GRID2: variants seen among roughly 807,000 people sequenced by gnomAD.
GRID2 encodes glutamate ionotropic receptor delta type subunit 2, also known as glutamate receptor ionotropic, delta-2.
Under a neutral mutation model 114.8 loss-of-function variants are expected in GRID2, and 33 were observed. The ratio of observed to expected loss-of-function variants is 0.29; its 90% CI spans 0.22 to 0.38. The LOEUF (loss-of-function observed/expected upper bound fraction) is 0.38, where lower values mean the gene tolerates loss of function less well. Ranked by LOEUF, GRID2 falls within the 10% of genes least tolerant of loss-of-function variation. The probability of loss-of-function intolerance (pLI) is 1.00; values close to 1 mark genes in which losing one functional copy is unlikely to be tolerated. For missense variants in GRID2, 1,184 were observed against 1,257.7 expected, an observed-to-expected ratio of 0.94 and a Z score of 0.89; for synonymous variants, 505 against 449.9, an observed-to-expected ratio of 1.12 and a Z score of -1.55.
chr4:93,467,536 A>G (rs1360260510), intron 11 of GRID2, among the ~76,000 whole-genome samples: 2 of 152,218 alleles, frequency 1.3e-5, no homozygotes, highest in African/African-American at 4.8e-5. Context: ...CCTCTTTGAT[A>G]TCATTATAGT....
chr4:92,888,775 T>C (rs79034693), intron 2 of GRID2, among the ~76,000 whole-genome samples: 2,771 of 151,644 alleles, frequency 0.018, 41 homozygotes, highest in East Asian at 0.053. Flanking sequence ...TCTTGCACCC[T>C]TTATCTAGTA....
chr4:92,617,611 G>C (rs138295049), intron 2 of GRID2, among the ~76,000 whole-genome samples: 1 of 151,538 alleles, frequency 6.6e-6, no homozygotes, highest in Non-Finnish European at 1.5e-5. Context: ...GTAATCTGTT[G>C]CTAGATTCCT....
intron 14 of GRID2, among the ~76,000 whole-genome samples, chr4:93,645,736 C>T (rs538781466): frequency 1.6e-4 from 24 of 152,182 alleles, no homozygotes; most frequent in Non-Finnish European, 3.1e-4. Context: ...AAATTCAGCT[C>T]TTTATTAAAT....
intron 8 of GRID2, among the ~76,000 whole-genome samples, chr4:93,315,197 G>A (rs1756456796): frequency 6.6e-6 from 1 of 152,016 alleles, no homozygotes; most frequent in African/African-American, 2.4e-5. Flanking sequence ...AGCATGAGGG[G>A]AAACTGCCCC....
chr4:93,235,340 A>G (rs1358774994), intron 7 of GRID2, among the ~76,000 whole-genome samples: 3 of 152,108 alleles, frequency 2.0e-5, no homozygotes, highest in Non-Finnish European at 2.9e-5. Context: ...CATACTACCA[A>G]TGTCCCATTA....
At chr4:93,419,759 T>A (rs191744291) in intron 9 of GRID2, among the ~76,000 whole-genome samples, 37 of 152,104 alleles carry the variant, frequency 2.4e-4, no homozygotes, top group Middle Eastern at 3.4e-3. Context: ...AAGGGATCTG[T>A]TTGCCTAGAG....
At chr4:93,139,966 A>T (rs1189814360) in intron 4 of GRID2, among the ~76,000 whole-genome samples, 1 of 152,144 alleles carries the variant, frequency 6.6e-6, no homozygotes, top group Non-Finnish European at 1.5e-5. Context: ...TGCACATAGC[A>T]TATAAAGGAA....
At chr4:92,765,126 G>A (rs1270226884) in intron 2 of GRID2, among the ~76,000 whole-genome samples, 2 of 152,050 alleles carry the variant, frequency 1.3e-5, no homozygotes, top group African/African-American at 4.8e-5. Context: ...AATGTCTTTT[G>A]AGGAAAAACA....
intron 2 of GRID2, among the ~76,000 whole-genome samples, chr4:92,925,352 A>G (rs996384464): frequency 3.9e-5 from 6 of 152,056 alleles, no homozygotes; most frequent in Non-Finnish European, 8.8e-5. Flanking sequence ...AAGAAACATT[A>G]TAAGAGATCT....
intron 9 of GRID2, among the ~76,000 whole-genome samples, chr4:93,418,853 C>A (rs929578467): frequency 1.3e-5 from 2 of 151,860 alleles, no homozygotes; most frequent in African/African-American, 4.8e-5. Context: ...ATCAGGGTAC[C>A]ACCATAAATT....
intron 3 of GRID2, among the ~76,000 whole-genome samples, chr4:93,101,364 A>G (rs1356243241): frequency 6.6e-6 from 1 of 151,988 alleles, no homozygotes; most frequent in African/African-American, 2.4e-5. Context: ...ACCAGGTCTT[A>G]TTTCTTCCAA....
At chr4:92,947,611 A>G (rs779101277) in intron 2 of GRID2, among the ~76,000 whole-genome samples, 14 of 151,852 alleles carry the variant, frequency 9.2e-5, no homozygotes, top group Admixed American at 2.0e-4. Context: ...AGCATTGACA[A>G]ATGTCTACTT....
intron 2 of GRID2, among the ~76,000 whole-genome samples, chr4:92,787,171 T>C (rs1021476755): frequency 2.0e-5 from 3 of 151,942 alleles, no homozygotes; most frequent in African/African-American, 7.2e-5. Context: ...CCTTACTCTG[T>C]GGATAGTGTT....
At chr4:92,385,658 C>G (rs1288296320) in intron 1 of GRID2, among the ~76,000 whole-genome samples, 1 of 150,954 alleles carries the variant, frequency 6.6e-6, no homozygotes, top group Admixed American at 6.6e-5. Flanking sequence ...AGGCATTTTA[C>G]AGTAGAATTC....
chr4:92,857,561 A>G (rs946353928), intron 2 of GRID2, among the ~76,000 whole-genome samples: 1 of 152,200 alleles, frequency 6.6e-6, no homozygotes, highest in Non-Finnish European at 1.5e-5. Flanking sequence ...AATTTTATGA[A>G]TGTGAAAGAG....
intron 2 of GRID2, among the ~76,000 whole-genome samples, chr4:92,789,065 A>G (rs1298071909): frequency 6.6e-6 from 1 of 151,888 alleles, no homozygotes; most frequent in Non-Finnish European, 1.5e-5. Context: ...TGTCAGATAT[A>G]CAATTCTGGA....
intron 2 of GRID2, among the ~76,000 whole-genome samples, chr4:93,048,428 A>T (rs1391851175): frequency 2.0e-4 from 30 of 151,758 alleles, no homozygotes; most frequent in Admixed American, 1.8e-3. Flanking sequence ...TCTTCTCAGG[A>T]TACCTTCTCA....
intron 2 of GRID2, among the ~76,000 whole-genome samples, chr4:92,949,680 C>T (rs561612091): frequency 1.3e-5 from 2 of 151,234 alleles, no homozygotes; most frequent in Non-Finnish European, 2.9e-5. Context: ...GCACATTCTT[C>T]GGAGCACTCA....
At chr4:93,224,802 G>T (rs1745297721) in intron 7 of GRID2, 27 bp downstream of exon 7, 5 of 1,498,830 alleles carry the variant, frequency 3.3e-6, no homozygotes, top group Non-Finnish European at 4.6e-6. Context: ...CATGTAAAAA[G>T]GATATGGTAA....
Sources: allele counts gnomAD v4.1 joint callset (sites outside exome capture counted in the v4.1 genomes callset), GRCh38; gene constraint gnomAD v4.1.1; transcripts MANE v1.5; gene names NCBI Gene and HGNC (gene_info 2026-07-23, HGNC 2026-07-21).